The following FCHSD2 variants were observed in gnomAD, a reference collection of about 807,000 sequenced individuals.
FCHSD2 encodes the protein FCH and double SH3 domains 2, also known as F-BAR and double SH3 domains protein 2.
A neutral mutation model predicts 108.1 loss-of-function variants in FCHSD2; 38 were observed. That is an observed-to-expected ratio of 0.35 (90% CI 0.27 to 0.46). FCHSD2 has a LOEUF of 0.46. Among genes scored for constraint, FCHSD2 ranks in the 20% least tolerant of loss-of-function variants. FCHSD2 has a pLI of 1.00. For missense variants in FCHSD2, 751 were observed against 897.8 expected, an observed-to-expected ratio of 0.84 and a Z score of 2.09; for synonymous variants, 279 against 314.7, an observed-to-expected ratio of 0.89 and a Z score of 1.20.
At chr11:72,915,722 G>A (rs1048960910) in intron 9 of FCHSD2, among the ~76,000 whole-genome samples, 4 of 152,216 alleles carry the variant, frequency 2.6e-5, no homozygotes, top group Admixed American at 6.5e-5. Flanking sequence ...GGAGGCTGAG[G>A]CAGGAGAATC....
At chr11:73,052,615 C>G (rs1267889338) in intron 3 of FCHSD2, among the ~76,000 whole-genome samples, 1 of 152,030 alleles carries the variant, frequency 6.6e-6, no homozygotes. Flanking sequence ...AACAATGAAA[C>G]AAATTCTTAG....
chr11:72,851,751 C>A (rs1035134938), intron 13 of FCHSD2, among the ~76,000 whole-genome samples: 4 of 150,626 alleles, frequency 2.7e-5, no homozygotes, highest in Admixed American at 2.6e-4. Flanking sequence ...CAAAACAAAA[C>A]AAAAAATAGA....
chr11:72,861,976 T>C (rs1417906869), intron 13 of FCHSD2, among the ~76,000 whole-genome samples: 1 of 151,116 alleles, frequency 6.6e-6, no homozygotes, highest in Non-Finnish European at 1.5e-5. Flanking sequence ...CCAAGTGGGG[T>C]TTACCAGGAA....
intron 13 of FCHSD2, among the ~76,000 whole-genome samples, chr11:72,857,130 T>C (rs1251642742): frequency 6.6e-6 from 1 of 152,212 alleles, no homozygotes; most frequent in East Asian, 1.9e-4. Context: ...TGGATTCCCA[T>C]GGAAGGCAGT....
At chr11:72,846,057 T>C (rs985603158) in intron 14 of FCHSD2, among the ~76,000 whole-genome samples, 4 of 1,404 alleles carry the variant, frequency 2.8e-3, no homozygotes, top group Admixed American at 0.014. Flanking sequence ...AATAAATAGA[T>C]AGATAGATAG....
intron 12 of FCHSD2, among the ~76,000 whole-genome samples, chr11:72,872,129 A>G (rs1244984747): frequency 6.6e-6 from 1 of 152,056 alleles, no homozygotes; most frequent in East Asian, 1.9e-4. Context: ...GTCTTTATAT[A>G]AGACAATTGG....
At chr11:73,070,582 T>C (rs1401501333) in intron 3 of FCHSD2, among the ~76,000 whole-genome samples, 1 of 151,768 alleles carries the variant, frequency 6.6e-6, no homozygotes, top group Non-Finnish European at 1.5e-5. Context: ...TGCCACCATG[T>C]CTGGCTAATT....
chr11:72,854,898 G>A (rs530318057), intron 13 of FCHSD2, among the ~76,000 whole-genome samples: 13 of 152,284 alleles, frequency 8.5e-5, no homozygotes, highest in African/African-American at 2.4e-4. Flanking sequence ...AGCACTTTGG[G>A]AGGCCGAGGC....
At chr11:73,044,687 G>A (rs1040685635) in intron 3 of FCHSD2, among the ~76,000 whole-genome samples, 1 of 152,040 alleles carries the variant, frequency 6.6e-6, no homozygotes, top group Admixed American at 6.6e-5. Flanking sequence ...TTAAAATTAG[G>A]CAAATGCTGG....
intron 3 of FCHSD2, among the ~76,000 whole-genome samples, chr11:73,053,287 T>C (rs1297166407): frequency 1.3e-5 from 2 of 151,962 alleles, no homozygotes; most frequent in African/African-American, 4.8e-5. Flanking sequence ...AGAAGATTCA[T>C]ACAAAAGAAA....
At chr11:72,933,086 T>C (rs765106208) in intron 8 of FCHSD2, among the ~76,000 whole-genome samples, 1 of 152,178 alleles carries the variant, frequency 6.6e-6, no homozygotes, top group Non-Finnish European at 1.5e-5. Context: ...CTTGCATGCC[T>C]TCTTCTTCCT....
intron 8 of FCHSD2, among the ~76,000 whole-genome samples, chr11:72,938,927 A>T (rs1274386420): frequency 6.6e-6 from 1 of 152,116 alleles, no homozygotes; most frequent in African/African-American, 2.4e-5. Flanking sequence ...AATATTTTCT[A>T]AAAAAATATA....
chr11:73,125,753 A>G (rs1338843085), intron 2 of FCHSD2, among the ~76,000 whole-genome samples: 1 of 152,104 alleles, frequency 6.6e-6, no homozygotes, highest in Non-Finnish European at 1.5e-5. Flanking sequence ...TTAAAAACAG[A>G]GGAATAGCTA....
At chr11:73,040,715 T>C (rs963953119) in intron 3 of FCHSD2, among the ~76,000 whole-genome samples, 1 of 152,272 alleles carries the variant, frequency 6.6e-6, no homozygotes, top group Non-Finnish European at 1.5e-5. Context: ...ACATTTATCA[T>C]TTCTTCATGT....
At chr11:72,986,142 A>T (rs1393581603) in intron 6 of FCHSD2, among the ~76,000 whole-genome samples, 1 of 151,504 alleles carries the variant, frequency 6.6e-6, no homozygotes, top group Non-Finnish European at 1.5e-5. Flanking sequence ...CCCCATTGTT[A>T]AAAAAATTGG....
intron 3 of FCHSD2, among the ~76,000 whole-genome samples, chr11:73,058,627 G>A (rs1859089216): frequency 7.2e-6 from 1 of 138,854 alleles, no homozygotes; most frequent in Non-Finnish European, 1.5e-5. Context: ...ACAGAGTCTT[G>A]CTCTGTCGCC....
rs1047200001 is a variant in FCHSD2 at position 72,978,157 on chromosome 11, G to A, written c.705+5931C>T. ...TGGGGAACATCACACACTGGGGCCTGTCATGGGGTGGGGGGAGCGGGGAGG... is the reference window on the plus strand; with the variant it reads ...TGGGGAACATCACACACTGGGGCCTATCATGGGGTGGGGGGAGCGGGGAGG... On this transcript the variant is annotated intron_variant, in intron 8 of 19. Coordinates refer to ENST00000409418, the MANE Select transcript of FCHSD2 (RefSeq NM_014824.3). Among the ~76,000 whole-genome samples, 3 of 151,898 alleles carry A rather than the reference G, an allele frequency of 2.0e-5. No homozygotes were observed. The East Asian group carries it at 5.8e-4, about 29-fold the overall frequency.
chr11:72,965,309 G>A (rs1261361358), intron 8 of FCHSD2, among the ~76,000 whole-genome samples: 2 of 152,138 alleles, frequency 1.3e-5, no homozygotes, highest in Non-Finnish European at 2.9e-5. Flanking sequence ...CCATTTGCCT[G>A]TCTTCCAGGA....
At chr11:72,884,113 A>G (rs1182298820) in intron 12 of FCHSD2, among the ~76,000 whole-genome samples, 1 of 152,124 alleles carries the variant, frequency 6.6e-6, no homozygotes, top group Non-Finnish European at 1.5e-5. Context: ...TATCATTAAT[A>G]GCAGGACAAC....
Sources: allele counts gnomAD v4.1 joint callset (sites outside exome capture counted in the v4.1 genomes callset), GRCh38; gene constraint gnomAD v4.1.1; transcripts MANE v1.5; gene names NCBI Gene and HGNC (gene_info 2026-07-23, HGNC 2026-07-21).